PPP4R2: variants seen among roughly 807,000 people sequenced by gnomAD.
The protein encoded by PPP4R2 is serine/threonine-protein phosphatase 4 regulatory subunit 2.
PPP4R2 carries 13 observed loss-of-function variants against 47.2 expected under a neutral mutation model. The ratio of observed to expected loss-of-function variants is 0.28; its 90% CI spans 0.18 to 0.44. The LOEUF is 0.44. Ranked by LOEUF, PPP4R2 falls within the 20% of genes least tolerant of loss-of-function variation. The pLI, the probability that PPP4R2 is intolerant of heterozygous loss-of-function variation, is 1.00. For synonymous variants in PPP4R2, 151 were observed against 163.3 expected (o/e 0.92, Z 0.57); for missense variants, 421 against 491.2 (o/e 0.86, Z 1.35).
chr3:73,039,204 A>G (rs977885498), intron 2 of PPP4R2, among the ~76,000 whole-genome samples: 1 of 152,160 alleles, frequency 6.6e-6, no homozygotes, highest in Non-Finnish European at 1.5e-5. Flanking sequence ...GCTCACTGCA[A>G]CCTCGGCCTC....
chr3:73,064,270 A>G (rs1167634958), intron 7 of PPP4R2, 124 bp downstream of exon 7: 2 of 788,274 alleles, frequency 2.5e-6, no homozygotes, highest in Non-Finnish European at 3.9e-6. Flanking sequence ...TGCGGTTTAT[A>G]GGAGCACTGG....
At chr3:73,043,809 CCAGT>C (rs1702428245) in intron 2 of PPP4R2, among the ~76,000 whole-genome samples, 1 of 152,124 alleles carries the variant, frequency 6.6e-6, no homozygotes, top group Admixed American at 6.5e-5. Context: ...CAATTTATTG[CCAGT>C]AAGTACACTC....
At chr3:73,004,715 A>G (rs1021906873) in intron 2 of PPP4R2, among the ~76,000 whole-genome samples, 2 of 152,138 alleles carry the variant, frequency 1.3e-5, no homozygotes, top group African/African-American at 4.8e-5. Context: ...CTTAAAGTGC[A>G]GGGATTACAG....
rs374677941 is a variant in PPP4R2 at position 73,064,090 on chromosome 3, T to C, written c.582T>C (p.Pro194=). The C allele has an allele frequency of 2.9e-5, 46 of 1,613,590 alleles. 1 individual carries two copies. The highest frequency in any genetic ancestry group is 1.7e-4 in the Middle Eastern group (1 of 6,034). ...LSAPMTTNGL[P]ESTDSKEANL... ...CCCCCATGACAACAAATGGGTTGCC[T>C]GAGAGCACAGACAGCAAAGAGGCAA... Residue 194 remains proline, a synonymous_variant, in exon 7 of 9, where the codon CCT becomes CCC. Transcript: ENST00000356692.
chr3:72,998,650 A>G (rs1701400021), intron 2 of PPP4R2, among the ~76,000 whole-genome samples: 1 of 152,224 alleles, frequency 6.6e-6, no homozygotes, highest in South Asian at 2.1e-4. Context: ...TTATCTGACA[A>G]ATTCCAGATG....
At chr3:73,028,163 A>G (rs1244961593) in intron 2 of PPP4R2, among the ~76,000 whole-genome samples, 1 of 150,628 alleles carries the variant, frequency 6.6e-6, no homozygotes, top group African/African-American at 2.4e-5. Flanking sequence ...AAGCTGAGGC[A>G]GGAGAATAGC....
At position 73,065,470 on chromosome 3, in the gene PPP4R2, T is replaced by G. The variant is rs771660143; in HGVS notation, c.1002T>G (p.Thr334=). Residue 334 remains threonine, a synonymous_variant, in exon 9 of 9, where the codon ACT becomes ACG. Coordinates refer to ENST00000356692, the MANE Select transcript of PPP4R2 (RefSeq NM_174907.4). ...AAAAAGAATCTGATGATGCCTTAAC[T>G]GTGAATGAAGAGACTTCTGAGGAAA... ...NQEKESDDAL[T]VNEETSEENN... The G allele has an allele frequency of 1.9e-6, 3 of 1,611,734 alleles. No individual in the cohort carries two copies. In the Admixed American group the frequency reaches 5.0e-5, roughly 27 times the overall value.
chr3:73,065,040 C>G lies in PPP4R2; in HGVS notation c.827C>G (p.Thr276Arg), dbSNP rs746872265. Reference protein sequence around the residue: ...SEISSVMVGETEASSSSQDKD... With the variant: ...SEISSVMVGEREASSSSQDKD... The stretch of plus-strand genomic sequence containing the variant: ...ATTTCTTCAGTTATGGTAGGAGAAA[C>G]AGAAGCATCATCTTCATCTCAGGAT... Residue 276 changes from threonine (T) to arginine (R), a missense_variant, in exon 8 of 9, where the codon ACA (threonine) becomes AGA (arginine). By Grantham distance (71) the Thr-to-Arg change is moderately conservative. Coordinates refer to ENST00000356692, the MANE Select transcript of PPP4R2 (RefSeq NM_174907.4). 1.2e-6 allele frequency: 2 copies of G among 1,613,926 alleles called. No individual in the cohort carries two copies. Among genetic ancestry groups the G allele is most frequent in the Middle Eastern group, 1.7e-4 (1 of 6,060 alleles).
At chr3:73,051,677 G>C (rs990843204) in intron 3 of PPP4R2, among the ~76,000 whole-genome samples, 11 of 152,182 alleles carry the variant, frequency 7.2e-5, no homozygotes, top group Admixed American at 6.5e-4. Flanking sequence ...CCAGGCTGGA[G>C]TGCAATGGCT....
chr3:73,062,769 C>G, intron 5 of PPP4R2: 1 of 1,613,948 alleles, frequency 6.2e-7, no homozygotes, highest in Non-Finnish European at 8.5e-7. Context: ...GAGTGCTGAT[C>G]TGCTAATCAG....
intron 8 of PPP4R2, 108 bp downstream of exon 8, chr3:73,065,249 ATGT>A (rs1472190942): frequency 1.1e-5 from 14 of 1,325,256 alleles, no homozygotes; most frequent in Admixed American, 5.6e-5. Context: ...TATAATGCTG[ATGT>A]TGGGCTTTTC....
At chr3:73,023,309 C>T (rs932425768) in intron 2 of PPP4R2, among the ~76,000 whole-genome samples, 4 of 152,016 alleles carry the variant, frequency 2.6e-5, no homozygotes, top group African/African-American at 9.7e-5. Flanking sequence ...GCCTCAGCCT[C>T]CCGAGTAGCT....
At chr3:73,021,136 T>A (rs1251465856) in intron 2 of PPP4R2, among the ~76,000 whole-genome samples, 2 of 152,092 alleles carry the variant, frequency 1.3e-5, no homozygotes, top group Non-Finnish European at 1.5e-5. Context: ...GTTAACTAAG[T>A]TGTGTGTAGT....
At chr3:73,038,537 A>C (rs752420305) in intron 2 of PPP4R2, among the ~76,000 whole-genome samples, 13 of 152,108 alleles carry the variant, frequency 8.5e-5, no homozygotes, top group Non-Finnish European at 1.6e-4. Context: ...CTGGGACTAC[A>C]GGTGCGTGCC....
At position 73,057,188 on chromosome 3, in the gene PPP4R2, CT is replaced by C. The variant is rs754102724; in HGVS notation, c.288-1848del. Reference sequence around the variant, plus strand: ...GTTTCACGGACAGACAATTGAGAAACTAATACTGTTTGTTATACATGTGGAA... The same window carrying C: ...GTTTCACGGACAGACAATTGAGAAACAATACTGTTTGTTATACATGTGGAA... On this transcript the variant is annotated intron_variant, in intron 3 of 8. Transcript: ENST00000356692. 9.2e-4 allele frequency among the ~76,000 whole-genome samples: 140 copies of C among 152,144 alleles called. 1 individual carries two copies. Among genetic ancestry groups the C allele is most frequent in the Non-Finnish European group, 1.6e-3 (111 of 67,956 alleles).
rs1702972429 is a variant in PPP4R2 at position 73,065,481 on chromosome 3, A to G, written c.1013A>G (p.Glu338Gly). ...ESDDALTVNE[E>G]TSEENNQMEE... ...GATGATGCCTTAACTGTGAATGAAGAGACTTCTGAGGAAAATAATCAAATG... is the reference window on the plus strand; with the variant it reads ...GATGATGCCTTAACTGTGAATGAAGGGACTTCTGAGGAAAATAATCAAATG... The change falls in exon 9 of 9, where the codon GAG becomes GGG. Residue 338 changes from glutamate to glycine, a missense_variant. Coordinates refer to ENST00000356692, the MANE Select transcript of PPP4R2 (RefSeq NM_174907.4). 10 of 1,611,826 alleles carry G rather than the reference A, an allele frequency of 6.2e-6. No individual in the cohort carries two copies. The highest frequency in any genetic ancestry group is 8.5e-6 in the Non-Finnish European group (10 of 1,179,718).
At chr3:73,022,807 T>C (rs1425035321) in intron 2 of PPP4R2, among the ~76,000 whole-genome samples, 1 of 151,778 alleles carries the variant, frequency 6.6e-6, no homozygotes, top group African/African-American at 2.4e-5. Flanking sequence ...GTCTTACAGT[T>C]GATGCTGACT....
chr3:73,063,968 A>G, intron 6 of PPP4R2, 35 bp from the exon 7 acceptor site: 1 of 1,552,312 alleles, frequency 6.4e-7, no homozygotes. Context: ...ACTTTTTATA[A>G]AAATAGGAAA....
At chr3:73,044,177 A>G (rs1048815140) in intron 2 of PPP4R2, among the ~76,000 whole-genome samples, 5 of 152,092 alleles carry the variant, frequency 3.3e-5, no homozygotes, top group Non-Finnish European at 5.9e-5. Flanking sequence ...TTGGGGATCT[A>G]TGGAGAAATG....
Sources: allele counts gnomAD v4.1 joint callset (sites outside exome capture counted in the v4.1 genomes callset), GRCh38; gene constraint gnomAD v4.1.1; transcripts MANE v1.5; gene names NCBI Gene and HGNC (gene_info 2026-07-23, HGNC 2026-07-21).